Variants in PCDHGA7 observed in about 807,000 individuals in gnomAD.
PCDHGA7 encodes the protein protocadherin gamma-A7.
Under a neutral mutation model 58.3 loss-of-function variants are expected in PCDHGA7, and 44 were observed. The ratio of observed to expected loss-of-function variants is 0.75; its 90% confidence interval spans 0.59 to 0.97. The LOEUF (loss-of-function observed/expected upper bound fraction) is 0.97. PCDHGA7 is among the 50% of genes least tolerant of loss of function. PCDHGA7 has a pLI of 0.00. For missense variants in PCDHGA7, 1,266 were observed against 1,188.7 expected, an observed-to-expected ratio of 1.06 and a Z score of -0.96; for synonymous variants, 516 against 504.2, an observed-to-expected ratio of 1.02 and a Z score of -0.31.
intron 1 of PCDHGA7, chr5:141,420,181 T>C (rs1590216182): frequency 6.2e-7 from 1 of 1,613,998 alleles, no homozygotes; most frequent in Non-Finnish European, 8.5e-7. Context: ...TTGATCATTG[T>C]CCAGCCACAC....
intron 1 of PCDHGA7, among the ~76,000 whole-genome samples, chr5:141,472,980 C>CAAAAAAAAAAAAAAAAAGAAAAAA (rs2099309731): frequency 2.3e-5 from 2 of 86,106 alleles, no homozygotes; most frequent in Non-Finnish European, 5.0e-5. Flanking sequence ...GAGTGAAACT[C>CAAAAAAAAAAAAAAAAAGAAAAAA]AAAAAAAAAA....
intron 1 of PCDHGA7, chr5:141,420,344 T>G (rs2096490860): frequency 2.2e-6 from 3 of 1,394,808 alleles, no homozygotes; most frequent in African/African-American, 1.5e-5. Flanking sequence ...TATAGTGGTA[T>G]TATTTTAAGA....
At position 141,383,788 on chromosome 5, in the gene PCDHGA7, C is replaced by T. The variant is rs1375292315; in HGVS notation, c.889C>T (p.Leu297Phe). The T allele has an allele frequency of 1.2e-6, 2 of 1,613,944 alleles. No homozygotes were observed. The highest frequency in any genetic ancestry group is 1.7e-6 in the Non-Finnish European group (2 of 1,179,880). ...TCCAAAGATGTTTCATCTGAACTCG[C>T]TTACAGGAGAAATATCAACTTTAGA... is the stretch of plus-strand genomic sequence containing the variant. The part of the protein sequence containing the change: ...KLPKMFHLNS[L>F]TGEISTLEGL... The change falls in exon 1 of 4, where the codon CTT becomes TTT. Residue 297 changes from leucine to phenylalanine, a missense_variant. Leu to Phe is a conservative substitution (Grantham distance 22). Coordinates refer to ENST00000518325, the MANE Select transcript of PCDHGA7 (RefSeq NM_018920.4).
chr5:141,487,616 G>T lies in PCDHGA7; in HGVS notation c.2425-7191G>T. The T allele has an allele frequency of 1.2e-6, 2 of 1,614,220 alleles. No homozygotes were observed. The highest frequency in any genetic ancestry group is 1.7e-6 in the Non-Finnish European group (2 of 1,180,044). ...CTCTGATCTTCTCTATGGGCTAGAGGTGAGACCTTTGCAGGCTCAACAAAT... is the reference window on the plus strand; with the variant it reads ...CTCTGATCTTCTCTATGGGCTAGAGTTGAGACCTTTGCAGGCTCAACAAAT... On this transcript the variant is annotated intron_variant, in intron 1 of 3. Coordinates refer to ENST00000518325, the MANE Select transcript of PCDHGA7 (RefSeq NM_018920.4). This position sits in a 1 kb window ranked among gnomAD's most constrained non-coding sequence, Gnocchi z 5.0.
Position 141,477,102 on chromosome 5 carries a change from C to T in PCDHGA7, c.2425-17705C>T. 2.5e-6 allele frequency: 4 copies of T among 1,614,232 alleles called. No homozygotes were observed. The South Asian group carries it at 4.4e-5, about 18-fold the overall frequency. On this transcript the variant is annotated intron_variant, in intron 1 of 3. Coordinates refer to ENST00000518325, the MANE Select transcript of PCDHGA7 (RefSeq NM_018920.4). This position sits in a 1 kb window ranked among gnomAD's most constrained non-coding sequence, Gnocchi z 4.9. Reference sequence around the variant, plus strand: ...TACATCCAGGCCAAAGACAAGGGCGCCAATCCCGAAGGAGCACATTGCAAA... The same window carrying T: ...TACATCCAGGCCAAAGACAAGGGCGTCAATCCCGAAGGAGCACATTGCAAA...
intron 1 of PCDHGA7, chr5:141,405,160 C>T (rs2094616263): frequency 6.2e-7 from 1 of 1,614,028 alleles, no homozygotes; most frequent in Non-Finnish European, 8.5e-7. Flanking sequence ...CTGGTGTGCC[C>T]ACCTCACACT....
At chr5:141,394,332 A>G (rs1270394666) in intron 1 of PCDHGA7, 2 of 1,614,010 alleles carry the variant, frequency 1.2e-6, no homozygotes, top group Admixed American at 1.7e-5. Context: ...GTATATCTCC[A>G]TCAACTCTGA....
At chr5:141,399,588 C>A (rs2093842272) in intron 1 of PCDHGA7, 1 of 1,613,894 alleles carries the variant, frequency 6.2e-7, no homozygotes, top group South Asian at 1.1e-5. Context: ...CCTACTCTAT[C>A]ATGGCCAGCG....
intron 1 of PCDHGA7, among the ~76,000 whole-genome samples, chr5:141,479,878 A>G (rs1033313584): frequency 2.0e-5 from 3 of 152,170 alleles, no homozygotes; most frequent in African/African-American, 7.2e-5. Context: ...AGAACCCTAT[A>G]CATACTCTCA....
At chr5:141,422,929 C>A (rs752323344) in intron 1 of PCDHGA7, 8 of 1,614,260 alleles carry the variant, frequency 5.0e-6, no homozygotes, top group Middle Eastern at 3.3e-4. Flanking sequence ...GTACCCTGCC[C>A]TCCCCACAGA....
At chr5:141,389,863 T>C in intron 1 of PCDHGA7, 1 of 1,614,064 alleles carries the variant, frequency 6.2e-7, no homozygotes, top group South Asian at 1.1e-5. Flanking sequence ...ACGTTGCACC[T>C]GGTCTTCGCC....
chr5:141,431,748 G>A lies in PCDHGA7; in HGVS notation c.2424+46425G>A, dbSNP rs759671844. On this transcript the variant is annotated intron_variant, in intron 1 of 3. Coordinates refer to ENST00000518325, the MANE Select transcript of PCDHGA7 (RefSeq NM_018920.4). This position sits in a 1 kb window ranked among gnomAD's most constrained non-coding sequence, Gnocchi z 4.8. ...ATGGATAATGCAGGATATTCTGCGC[G>A]AGCCAAAGTCCTGATCACTGTTCTG... 4 of 1,614,078 alleles carry A rather than the reference G, an allele frequency of 2.5e-6. No individual in the cohort carries two copies. Among genetic ancestry groups the A allele is most frequent in the African/African-American group, 1.3e-5 (1 of 74,934 alleles).
intron 1 of PCDHGA7, chr5:141,413,323 G>A (rs1221252167): frequency 2.5e-6 from 4 of 1,613,840 alleles, no homozygotes; most frequent in Non-Finnish European, 3.4e-6. Flanking sequence ...CTCTTTCGTG[G>A]GCAACATCTC....
intron 1 of PCDHGA7, chr5:141,408,444 G>A (rs2095109468): frequency 6.2e-6 from 10 of 1,613,960 alleles, no homozygotes; most frequent in Non-Finnish European, 7.6e-6. Context: ...GACGCGGAGA[G>A]CGGGGACTTA....
chr5:141,441,370 C>A (rs1378574921), intron 1 of PCDHGA7: 1 of 152,672 alleles, frequency 6.5e-6, no homozygotes, highest in African/African-American at 2.4e-5. Flanking sequence ...GGGCCGTGGA[C>A]CAGGAACAGA....
intron 1 of PCDHGA7, chr5:141,442,107 C>A: frequency 6.0e-6 from 1 of 166,198 alleles, no homozygotes; most frequent in Non-Finnish European, 1.3e-5. Flanking sequence ...CCACCACTAC[C>A]GCCCCTCGTC....
Position 141,383,537 on chromosome 5 carries a change from C to G in PCDHGA7, c.638C>G (p.Thr213Arg). 1.2e-6 allele frequency: 2 copies of G among 1,612,570 alleles called. No homozygotes were observed. Among genetic ancestry groups the G allele is most frequent in the Non-Finnish European group, 1.7e-6 (2 of 1,179,382 alleles). The change falls in exon 1 of 4, where the codon ACA becomes AGA. Residue 213 changes from threonine to arginine, a missense_variant. By Grantham distance (71) the Thr-to-Arg change is moderately conservative. Transcript: ENST00000518325. ...GAGCGGGTTCACCACCTGGTCCTCA[C>G]AGCCTCTGATGGCGGCGACCCGCCC... Reference protein sequence around the residue: ...EEERVHHLVLTASDGGDPPRS... With the variant: ...EEERVHHLVLRASDGGDPPRS...
At chr5:141,423,642 T>C (rs1293550754) in intron 1 of PCDHGA7, 2 of 1,596,770 alleles carry the variant, frequency 1.3e-6, no homozygotes, top group African/African-American at 2.7e-5. Flanking sequence ...TAGGCAAATG[T>C]GACCCGACAA....
intron 2 of PCDHGA7, among the ~76,000 whole-genome samples, chr5:141,501,847 C>T (rs976699397): frequency 1.3e-5 from 2 of 152,140 alleles, no homozygotes; most frequent in Admixed American, 6.5e-5. Context: ...GGCCCTCAAC[C>T]TTCAACCATT....
Sources: allele counts gnomAD v4.1 joint callset (sites outside exome capture counted in the v4.1 genomes callset), GRCh38; gene constraint gnomAD v4.1.1; non-coding constraint Gnocchi (gnomAD v3.1); transcripts MANE v1.5; gene names NCBI Gene and HGNC (gene_info 2026-07-23, HGNC 2026-07-21).